VPS13C: variants seen among roughly 807,000 people sequenced by gnomAD.
The protein encoded by VPS13C is vacuolar protein sorting 13 homolog C.
In VPS13C, 358 loss-of-function variants were observed where a neutral mutation model predicts 456.8. That is an observed-to-expected ratio of 0.78 (90% confidence interval 0.72 to 0.86). The LOEUF is 0.86. Ranked by LOEUF, VPS13C falls within the 40% of genes least tolerant of loss-of-function variation. The pLI is 0.00. For synonymous variants in VPS13C, 1,578 were observed against 1,486.7 expected (o/e 1.06, Z -1.41); for missense variants, 4,818 against 4,385.4 (o/e 1.10, Z -2.79).
At chr15:62,055,490 C>T (rs146540021) in intron 1 of VPS13C, among the ~76,000 whole-genome samples, 65 of 151,384 alleles carry the variant, frequency 4.3e-4, no homozygotes, top group African/African-American at 1.5e-3. Flanking sequence ...ATCTGCCTGC[C>T]TCGGCCTCCC....
chr15:61,865,328 T>A (rs556969575), intron 81 of VPS13C: 1 of 978,878 alleles, frequency 1.0e-6, no homozygotes, highest in Admixed American at 6.2e-5. Flanking sequence ...TTTAATGTCA[T>A]GAATTAAGAC....
rs750969402 is a variant in VPS13C at position 61,909,025 on chromosome 15, T to C, written c.8945A>G (p.His2982Arg). Residue 2982 changes from histidine (H) to arginine (R), a missense_variant, in exon 65 of 85, where the codon CAT becomes CGT. His to Arg is a conservative substitution (Grantham distance 29, BLOSUM62 0). Around this residue, in one of 3 missense-constraint regions of VPS13C, gnomAD observed 4,552 missense variants for 4,130.6 expected, o/e 1.10. Coordinates refer to ENST00000644861, the MANE Select transcript of VPS13C (RefSeq NM_020821.3). ...EGSAPALIMN[H>R]TPWDILTYKQ... ...GTATGTGAGGATGTCCCATGGTGTA[T>C]GGTTCATTATCAAGGCAGGTGCAGA... 6.2e-7 allele frequency: 1 copy of C among 1,614,034 alleles called. No homozygotes were observed. Among genetic ancestry groups the C allele is most frequent in the Admixed American group, 1.7e-5 (1 of 60,014 alleles).
intron 55 of VPS13C, among the ~76,000 whole-genome samples, chr15:61,920,973 T>G (rs1387442630): frequency 1.3e-5 from 2 of 152,134 alleles, no homozygotes; most frequent in African/African-American, 4.8e-5. Context: ...ACGAGCAATC[T>G]AAGAGGACCC....
intron 47 of VPS13C, among the ~76,000 whole-genome samples, chr15:61,938,433 C>T (rs1257507769): frequency 6.6e-6 from 1 of 152,082 alleles, no homozygotes; most frequent in Non-Finnish European, 1.5e-5. Flanking sequence ...TGTCACCTGC[C>T]TGATACCCTT....
In VPS13C at chr15:62,008,707, G is replaced by T. The variant is rs758962286; in HGVS notation, c.1066C>A (p.Pro356Thr). Residue 356 changes from proline (P) to threonine (T), a missense_variant, in exon 14 of 85, where the codon CCT (proline) becomes ACT (threonine). Around this residue, in one of 3 missense-constraint regions of VPS13C, gnomAD observed 4,552 missense variants for 4,130.6 expected, o/e 1.10. Transcript: ENST00000644861. Reference sequence around the variant, plus strand: ...AAATAAGGCTTGTATTTCCTATAAGGCGCATTCCTAACCATATAATCCACT... The same window carrying T: ...AAATAAGGCTTGTATTTCCTATAAGTCGCATTCCTAACCATATAATCCACT... ...ESVDYMVRNA[P>T]YRKYKPYLPL... 6 of 1,607,988 alleles carry T rather than the reference G, an allele frequency of 3.7e-6. No homozygotes were observed. Among genetic ancestry groups the T allele is most frequent in the Non-Finnish European group, 5.1e-6 (6 of 1,176,978 alleles).
chr15:61,965,380 T>C (rs1567054289), intron 30 of VPS13C, among the ~76,000 whole-genome samples: 1 of 151,852 alleles, frequency 6.6e-6, no homozygotes, highest in Non-Finnish European at 1.5e-5. Context: ...AAACACAATA[T>C]AGAACTTGTA....
At chr15:61,913,054 G>C (rs1333791765) in intron 62 of VPS13C, among the ~76,000 whole-genome samples, 2 of 150,648 alleles carry the variant, frequency 1.3e-5, no homozygotes, top group African/African-American at 4.9e-5. Flanking sequence ...AGGATGTGGA[G>C]AAATAGGAAC....
At chr15:62,036,834 A>C (rs1255116536) in intron 3 of VPS13C, among the ~76,000 whole-genome samples, 2 of 151,828 alleles carry the variant, frequency 1.3e-5, no homozygotes, top group Admixed American at 1.3e-4. Flanking sequence ...AATTTTTTAA[A>C]TTTTTAAGAA....
intron 68 of VPS13C, 54 bp downstream of exon 68, chr15:61,884,074 C>A (rs1309225891): frequency 2.7e-6 from 4 of 1,507,386 alleles, no homozygotes; most frequent in Non-Finnish European, 3.5e-6. Context: ...TTACTTACTA[C>A]CACCACCAAG....
chr15:61,922,198 T>C (rs1374535240), intron 54 of VPS13C, among the ~76,000 whole-genome samples, 165 bp from the exon 55 acceptor site: 8 of 152,168 alleles, frequency 5.3e-5, no homozygotes, highest in Non-Finnish European at 1.2e-4. Context: ...TCTTACTCTA[T>C]TGTCATAAAT....
At chr15:62,002,211 C>G (rs2046648258) in intron 15 of VPS13C, among the ~76,000 whole-genome samples, 1 of 152,192 alleles carries the variant, frequency 6.6e-6, no homozygotes, top group Non-Finnish European at 1.5e-5. Flanking sequence ...GATCGCCATT[C>G]TAACTGGTGT....
chr15:62,009,021 A>C (rs898179269), intron 13 of VPS13C, among the ~76,000 whole-genome samples: 3 of 152,200 alleles, frequency 2.0e-5, no homozygotes, highest in Non-Finnish European at 2.9e-5. Context: ...GCTGTTAATT[A>C]AATTGTCTTA....
chr15:61,964,870 G>A lies in VPS13C; in HGVS notation c.3052-9C>T. 1 of 1,592,330 alleles carries A rather than the reference G, an allele frequency of 6.3e-7. No individual in the cohort carries two copies. Among genetic ancestry groups the A allele is most frequent in the South Asian group, 1.1e-5 (1 of 86,992 alleles). On this transcript the variant is annotated splice_polypyrimidine_tract_variant and intron_variant, in intron 30 of 84. Transcript: ENST00000644861. ...AAAGATGAAAAGGCCACCTAAAAAT[G>A]TTTTAAAGAGAAAATTAGTTTTCCA...
In VPS13C at chr15:61,873,499, T is replaced by C. The variant is rs1481761822; in HGVS notation, c.10415-90A>G. ...GAAAACAAATAATCTGATTTTAAAA[T>C]AGGCAAACGATCTGAATAAATATTT... On this transcript the variant is annotated intron_variant, in intron 77 of 84. Coordinates refer to ENST00000644861, the MANE Select transcript of VPS13C (RefSeq NM_020821.3). 9 of 1,261,250 alleles carry C rather than the reference T, an allele frequency of 7.1e-6. No homozygotes were observed. The African/African-American group carries it at 1.3e-4, about 19-fold the overall frequency. 78.1% of individuals were successfully genotyped at this position (1,261,250 alleles called of 1,614,324 possible). A position where few individuals can be genotyped will look rare whatever the true frequency, so the allele number is the denominator to read the frequency against.
intron 1 of VPS13C, among the ~76,000 whole-genome samples, chr15:62,053,947 C>G (rs939251788): frequency 6.6e-6 from 1 of 152,182 alleles, no homozygotes. Flanking sequence ...GTATCTAACA[C>G]ATCACAGTTC....
chr15:61,921,833 C>T (rs1250078660), intron 55 of VPS13C, 114 bp downstream of exon 55: 5 of 962,532 alleles, frequency 5.2e-6, no homozygotes, highest in Admixed American at 4.3e-5. Context: ...ATGGACAGAG[C>T]CCTTAAAAGG....
rs931036703 is a variant in VPS13C at position 61,974,513 on chromosome 15, C to T, written c.2409-96G>A. ...GTAATTAGATTAAAACATGCCTAAA[C>T]TTTTGACATGTTTTAATCTAATTAC... is the stretch of plus-strand genomic sequence containing the variant. On this transcript the variant is annotated intron_variant, in intron 24 of 84. Coordinates refer to ENST00000644861, the MANE Select transcript of VPS13C (RefSeq NM_020821.3). The T allele has an allele frequency of 4.6e-6, 6 of 1,312,196 alleles. No homozygotes were observed. In the South Asian group the frequency reaches 8.8e-5, roughly 19 times the overall value. 81.3% of individuals were successfully genotyped at this position (1,312,196 alleles called of 1,614,324 possible). A position where few individuals can be genotyped will look rare whatever the true frequency, so the allele number is the denominator to read the frequency against.
chr15:61,969,553 T>C (rs538799668), intron 27 of VPS13C, 101 bp from the exon 28 acceptor site: 2 of 716,102 alleles, frequency 2.8e-6, no homozygotes, highest in East Asian at 3.2e-5. Flanking sequence ...ATGAGAATAG[T>C]AACTTTGCTC....
At chr15:61,940,517 T>C (rs1211582732) in intron 47 of VPS13C, 130 bp downstream of exon 47, 5 of 816,298 alleles carry the variant, frequency 6.1e-6, no homozygotes, top group Non-Finnish European at 8.7e-6. Flanking sequence ...AAATGCTCAC[T>C]AAGAGAAAAC....
Sources: allele counts gnomAD v4.1 joint callset (sites outside exome capture counted in the v4.1 genomes callset), GRCh38; gene constraint gnomAD v4.1.1; regional missense constraint gnomAD v4.1.1; transcripts MANE v1.5; gene names NCBI Gene and HGNC (gene_info 2026-07-23, HGNC 2026-07-21).